WDFY3: variants seen among roughly 807,000 people sequenced by gnomAD.
WDFY3 encodes WD repeat and FYVE domain containing 3, also known as WD repeat and FYVE domain-containing protein 3.
A neutral mutation model predicts 409.6 loss-of-function variants in WDFY3; 66 were observed. That is an observed-to-expected ratio of 0.16 (90% CI 0.13 to 0.20). The LOEUF is 0.20. Ranked by LOEUF, WDFY3 falls within the 10% of genes least tolerant of loss-of-function variation. WDFY3 has a pLI of 1.00. For missense variants in WDFY3, 3,031 were observed against 4,298.1 expected (o/e 0.71, Z 8.24); for synonymous variants, 1,521 against 1,537.1 (o/e 0.99, Z 0.25).
At chr4:84,926,410 A>G (rs1769999198) in intron 2 of WDFY3, among the ~76,000 whole-genome samples, 3 of 151,968 alleles carry the variant, frequency 2.0e-5, no homozygotes, top group Non-Finnish European at 2.9e-5. Context: ...TAAAATCCCA[A>G]AACTCTATTT....
At chr4:84,890,127 T>C (rs1764742756) in intron 3 of WDFY3, among the ~76,000 whole-genome samples, 1 of 152,164 alleles carries the variant, frequency 6.6e-6, no homozygotes, top group Admixed American at 6.6e-5. Flanking sequence ...TTTTAACTAG[T>C]GTCTCACTGT....
Position 84,709,202 on chromosome 4 carries a change from A to T in WDFY3, c.8097+91T>A, listed in dbSNP as rs187156640. 156 of 1,414,718 alleles carry T rather than the reference A, an allele frequency of 1.1e-4. 1 individual carries two copies. The East Asian group carries it at 3.4e-3, about 31-fold the overall frequency. The allele number at this position is 1,414,718 out of a possible 1,614,324, so 87.6% of individuals were successfully genotyped here. A position where few individuals can be genotyped will look rare whatever the true frequency, so the allele number is the denominator to read the frequency against. ...AAATAAAACATTTTCTCTATGGTAT[A>T]TATTTTATGGATAATTAAAGTGCTT... On this transcript the variant is annotated intron_variant, in intron 52 of 67. Coordinates refer to ENST00000295888, the MANE Select transcript of WDFY3 (RefSeq NM_014991.6).
At chr4:84,924,972 A>G (rs765850997) in intron 2 of WDFY3, among the ~76,000 whole-genome samples, 51 of 152,188 alleles carry the variant, frequency 3.4e-4, no homozygotes, top group Non-Finnish European at 6.3e-4. Context: ...CCTCATACCT[A>G]CAAAAGGTTT....
chr4:84,721,858 AC>A (rs1217471690), intron 46 of WDFY3, among the ~76,000 whole-genome samples: 2 of 152,110 alleles, frequency 1.3e-5, no homozygotes, highest in African/African-American at 4.8e-5. Flanking sequence ...AACAACAACA[AC>A]AAAAAACATG....
chr4:84,891,583 A>G (rs1374670512), intron 3 of WDFY3, among the ~76,000 whole-genome samples: 1 of 152,176 alleles, frequency 6.6e-6, no homozygotes, highest in Non-Finnish European at 1.5e-5. Flanking sequence ...GCAGAACACC[A>G]TGATAAATAT....
chr4:84,826,746 C>A lies in WDFY3; in HGVS notation c.1123+69G>T, dbSNP rs183113606. ...TATAACAGAAACAAAAAGTAATATA[C>A]CAAAATAAGACAAATTCATTCTTTC... On this transcript the variant is annotated intron_variant, in intron 10 of 67. Transcript: ENST00000295888. The A allele has an allele frequency of 1.4e-5, 20 of 1,461,830 alleles. No individual in the cohort carries two copies. In the East Asian group the frequency reaches 3.3e-4, roughly 24 times the overall value. The allele number at this position is 1,461,830 out of a possible 1,614,324, so 90.6% of individuals were successfully genotyped here. A position where few individuals can be genotyped will look rare whatever the true frequency, so the allele number is the denominator to read the frequency against.
chr4:84,820,293 C>A, intron 11 of WDFY3, 107 bp from the exon 12 acceptor site: 1 of 816,984 alleles, frequency 1.2e-6, no homozygotes, highest in African/African-American at 1.8e-5. Context: ...CAGTTTTACC[C>A]CTAATAGGAC....
intron 21 of WDFY3, among the ~76,000 whole-genome samples, chr4:84,793,992 C>T (rs1424465925): frequency 6.6e-6 from 1 of 152,112 alleles, no homozygotes; most frequent in Non-Finnish European, 1.5e-5. Flanking sequence ...TATCATTTAG[C>T]AGGATCTTCA....
intron 4 of WDFY3, among the ~76,000 whole-genome samples, chr4:84,855,277 T>C (rs1759603876): frequency 6.6e-6 from 1 of 152,206 alleles, no homozygotes; most frequent in African/African-American, 2.4e-5. Flanking sequence ...TACATCTATC[T>C]GATTCCAAGC....
At chr4:84,681,313 A>C (rs573177310) in intron 64 of WDFY3, among the ~76,000 whole-genome samples, 1 of 152,330 alleles carries the variant, frequency 6.6e-6, no homozygotes. Context: ...TTTAAGGGAA[A>C]GGAAAATGAC....
Position 84,707,692 on chromosome 4 carries a change from T to C in WDFY3, c.8217+1217A>G, listed in dbSNP as rs150934754. Among the ~76,000 whole-genome samples, 775 of 152,334 alleles carry C rather than the reference T, an allele frequency of 5.1e-3. 9 individuals carry two copies. The highest frequency in any genetic ancestry group is 0.017 in the African/African-American group (727 of 41,578). On this transcript the variant is annotated intron_variant, in intron 53 of 67. Transcript: ENST00000295888. ...TTCCTGTCTCTTTAAAAAATCTACA[T>C]TTTCTTTCTAACTTTCCTTGATTGA... is the stretch of plus-strand genomic sequence containing the variant.
chr4:84,800,099 T>C (rs753418087), intron 17 of WDFY3, among the ~76,000 whole-genome samples: 1 of 152,206 alleles, frequency 6.6e-6, no homozygotes, highest in Non-Finnish European at 1.5e-5. Context: ...TACAAGATAA[T>C]GGATGAAGTG....
At position 84,778,584 on chromosome 4, in the gene WDFY3, C is replaced by T. The variant is rs758678590; in HGVS notation, c.4437G>A (p.Leu1479=). 2.0e-5 allele frequency: 32 copies of T among 1,611,706 alleles called. No homozygotes were observed. Among genetic ancestry groups the T allele is most frequent in the Non-Finnish European group, 2.7e-5 (32 of 1,179,234 alleles). Residue 1479 remains leucine (L), a synonymous_variant, in exon 27 of 68, where the codon TTG becomes TTA. Transcript: ENST00000295888. ...CATGTCCACTATCAACAGTTCCCACCAAAGAAAAAGTTAGATGGAGGATGT... is the reference window on the plus strand; with the variant it reads ...CATGTCCACTATCAACAGTTCCCACTAAAGAAAAAGTTAGATGGAGGATGT... The part of the protein sequence containing the change: ...NSHILHLTFS[L]VGTVDSGHET...
chr4:84,720,447 A>G (rs931761473), intron 47 of WDFY3, among the ~76,000 whole-genome samples: 1 of 152,152 alleles, frequency 6.6e-6, no homozygotes, highest in African/African-American at 2.4e-5. Context: ...CACGGTTTGC[A>G]TATGTGTCCC....
In WDFY3 at chr4:84,883,213, C is replaced by T. The variant is rs571378236; in HGVS notation, c.-32+13698G>A. Among the ~76,000 whole-genome samples the T allele has an allele frequency of 2.0e-5, 3 of 152,236 alleles. No homozygotes were observed. In the East Asian group the frequency reaches 5.8e-4, roughly 29 times the overall value. ...ATCATTAGACATGTCCTAATTACAT[C>T]ATTTCTCTGTTGATCACATGTAGCC... On this transcript the variant is annotated intron_variant, in intron 3 of 67. Coordinates refer to ENST00000295888, the MANE Select transcript of WDFY3 (RefSeq NM_014991.6).
At chr4:84,902,261 T>A (rs1766441258) in intron 2 of WDFY3, among the ~76,000 whole-genome samples, 1 of 152,106 alleles carries the variant, frequency 6.6e-6, no homozygotes, top group South Asian at 2.1e-4. Context: ...CTGGAATTAA[T>A]CAAAAGGTAA....
In WDFY3 at chr4:84,843,564, A is replaced by G. The variant is rs528217264; in HGVS notation, c.305-2301T>C. Among the ~76,000 whole-genome samples the G allele has an allele frequency of 1.3e-4, 20 of 152,160 alleles. No homozygotes were observed. In the South Asian group the frequency reaches 3.9e-3, roughly 30 times the overall value. Reference sequence around the variant, plus strand: ...TATGCACCACCATGCCTGGCTAATAAAAACAAAATTTTTTTGTAGAGACAG... The same window carrying G: ...TATGCACCACCATGCCTGGCTAATAGAAACAAAATTTTTTTGTAGAGACAG... On this transcript the variant is annotated intron_variant, in intron 5 of 67. Transcript: ENST00000295888.
chr4:84,773,165 A>G (rs900096585), intron 29 of WDFY3, among the ~76,000 whole-genome samples: 8 of 152,112 alleles, frequency 5.3e-5, no homozygotes, highest in Admixed American at 2.6e-4. Flanking sequence ...AGCGAGAAAG[A>G]TAAGAGTAGT....
rs374926767 is a variant in WDFY3 at position 84,696,722 on chromosome 4, C to G, written c.8688+10G>C. On this transcript the variant is annotated intron_variant, in intron 57 of 67. Transcript: ENST00000295888. ...AATTCAACTTCAATTGTAAAATGTA[C>G]TTCCATTACCTCACGATGGACTCTG... is the stretch of plus-strand genomic sequence containing the variant. 2 of 1,611,852 alleles carry G rather than the reference C, an allele frequency of 1.2e-6. No individual in the cohort carries two copies. The highest frequency in any genetic ancestry group is 2.7e-5 in the African/African-American group (2 of 74,774).
Sources: gnomAD v4.1 joint callset for allele counts (sites outside exome capture counted in the v4.1 genomes callset) on GRCh38, gnomAD v4.1.1 for gene constraint, MANE v1.5 for transcripts, NCBI Gene and HGNC (gene_info 2026-07-23, HGNC 2026-07-21) for gene names.